The following CDH13 variants were observed in gnomAD, a reference collection of about 807,000 sequenced individuals.
CDH13 encodes cadherin 13, also known as cadherin-13.
In CDH13, 24 loss-of-function variants were observed where a neutral mutation model predicts 63.8. That is an observed-to-expected ratio of 0.38 (90% CI 0.27 to 0.53). CDH13 has a LOEUF of 0.53. Ranked by LOEUF, CDH13 falls within the 20% of genes least tolerant of loss-of-function variation. CDH13 has a pLI of 0.85. For synonymous variants in CDH13, 503 were observed against 355.3 expected, an observed-to-expected ratio of 1.42 and a Z score of -4.67; for missense variants, 1,049 against 903.1, an observed-to-expected ratio of 1.16 and a Z score of -2.07.
At chr16:82,853,156 T>C (rs1169639813) in intron 1 of CDH13, among the ~76,000 whole-genome samples, 1 of 152,158 alleles carries the variant, frequency 6.6e-6, no homozygotes. Flanking sequence ...ATGCTTGGTG[T>C]CCTACAGAGG....
intron 3 of CDH13, among the ~76,000 whole-genome samples, chr16:83,106,069 G>C (rs578211965): frequency 5.9e-5 from 9 of 152,186 alleles, no homozygotes; most frequent in Non-Finnish European, 1.2e-4. Flanking sequence ...TGGGTTATTT[G>C]TCAATATGTT....
At chr16:83,299,018 C>T (rs951588217) in intron 5 of CDH13, among the ~76,000 whole-genome samples, 1 of 151,980 alleles carries the variant, frequency 6.6e-6, no homozygotes, top group African/African-American at 2.4e-5. Flanking sequence ...TAAAAATAAC[C>T]AATATTCCTA....
intron 6 of CDH13, among the ~76,000 whole-genome samples, chr16:83,436,634 A>G (rs1365453536): frequency 1.3e-5 from 2 of 152,238 alleles, no homozygotes; most frequent in Non-Finnish European, 2.9e-5. Context: ...TCTTTGAAAG[A>G]ACTTAGTGCC....
chr16:83,059,072 T>C (rs1024049093), intron 3 of CDH13, among the ~76,000 whole-genome samples: 2 of 151,998 alleles, frequency 1.3e-5, no homozygotes, highest in African/African-American at 4.8e-5. Flanking sequence ...TGAGAGGTGG[T>C]CCCAGGAAGC....
intron 7 of CDH13, among the ~76,000 whole-genome samples, chr16:83,546,701 C>T (rs2075392401): frequency 6.6e-6 from 1 of 152,114 alleles, no homozygotes; most frequent in South Asian, 2.1e-4. Flanking sequence ...TTGTGTTTAG[C>T]TTCTCTTTCC....
chr16:83,739,199 C>T (rs898764571), intron 10 of CDH13, among the ~76,000 whole-genome samples: 3 of 151,974 alleles, frequency 2.0e-5, no homozygotes, highest in African/African-American at 4.8e-5. Context: ...ATCTGTTTTC[C>T]CCCTGGGAGT....
chr16:83,427,376 G>C (rs1395738235), intron 6 of CDH13, among the ~76,000 whole-genome samples: 1 of 152,032 alleles, frequency 6.6e-6, no homozygotes, highest in Non-Finnish European at 1.5e-5. Context: ...GTGGCAATGG[G>C]GACAGCAGTT....
chr16:83,634,520 C>T (rs928273066), intron 8 of CDH13, among the ~76,000 whole-genome samples: 2 of 151,944 alleles, frequency 1.3e-5, no homozygotes, highest in African/African-American at 2.4e-5. Context: ...CCTGCCTCAG[C>T]CTCCTGAATA....
intron 2 of CDH13, among the ~76,000 whole-genome samples, chr16:82,877,702 G>A (rs957979557): frequency 6.6e-6 from 1 of 151,956 alleles, no homozygotes; most frequent in Non-Finnish European, 1.5e-5. Flanking sequence ...CAGAAAGCAT[G>A]CAAAAATACC....
chr16:82,811,139 C>T (rs1408273969), intron 1 of CDH13, among the ~76,000 whole-genome samples: 1 of 152,078 alleles, frequency 6.6e-6, no homozygotes, highest in Non-Finnish European at 1.5e-5. Context: ...GCATAGGTGT[C>T]CTGGAACTGG....
intron 2 of CDH13, chr16:82,859,735 G>GA (rs75873496): frequency 0.033 from 4,132 of 123,748 alleles, 149 homozygotes; most frequent in African/African-American, 0.1. Context: ...GGAAAGACAA[G>GA]AAAAAAAAAA....
At chr16:83,073,101 A>G (rs1039701313) in intron 3 of CDH13, among the ~76,000 whole-genome samples, 1 of 152,072 alleles carries the variant, frequency 6.6e-6, no homozygotes, top group Admixed American at 6.6e-5. Context: ...ACAACCTGGA[A>G]CCCCATGAAC....
intron 6 of CDH13, among the ~76,000 whole-genome samples, chr16:83,358,962 A>G (rs1210417616): frequency 1.3e-5 from 2 of 152,234 alleles, no homozygotes; most frequent in Non-Finnish European, 2.9e-5. Flanking sequence ...AAGAGATTCC[A>G]ATAATGCACA....
At chr16:82,879,769 A>T (rs2040628314) in intron 2 of CDH13, among the ~76,000 whole-genome samples, 1 of 138,270 alleles carries the variant, frequency 7.2e-6, no homozygotes, top group East Asian at 2.0e-4. Flanking sequence ...TATTTACATG[A>T]TATATAATAT....
chr16:83,634,090 A>T (rs1469608933), intron 8 of CDH13, among the ~76,000 whole-genome samples: 2 of 150,040 alleles, frequency 1.3e-5, no homozygotes, highest in Non-Finnish European at 3.0e-5. Context: ...AGACCTCACG[A>T]AGTCTCCACC....
intron 6 of CDH13, among the ~76,000 whole-genome samples, chr16:83,471,112 C>G (rs112475829): frequency 6.6e-6 from 1 of 152,026 alleles, no homozygotes; most frequent in Admixed American, 6.6e-5. Flanking sequence ...TTACAAGGAC[C>G]TTGTTGGGCC....
At chr16:82,660,926 T>A (rs974823890) in intron 1 of CDH13, among the ~76,000 whole-genome samples, 6 of 150,440 alleles carry the variant, frequency 4.0e-5, no homozygotes, top group Non-Finnish European at 6.0e-5. Context: ...TTCATTAAGT[T>A]TCTTTTATCA....
At chr16:83,137,714 A>C (rs1375974325) in intron 4 of CDH13, among the ~76,000 whole-genome samples, 1 of 152,182 alleles carries the variant, frequency 6.6e-6, no homozygotes, top group Non-Finnish European at 1.5e-5. Context: ...TCAGTCGATA[A>C]GGGCCGTGAA....
chr16:82,994,409 G>A (rs1911983684), intron 2 of CDH13, among the ~76,000 whole-genome samples: 1 of 152,108 alleles, frequency 6.6e-6, no homozygotes, highest in Non-Finnish European at 1.5e-5. Context: ...CCTACCTTTA[G>A]GGAGGGGCAG....
Sources: allele counts gnomAD v4.1 joint callset (sites outside exome capture counted in the v4.1 genomes callset), GRCh38; gene constraint gnomAD v4.1.1; transcripts MANE v1.5; gene names NCBI Gene and HGNC (gene_info 2026-07-23, HGNC 2026-07-21).